The following MAP4 variants were observed in gnomAD, a reference collection of about 807,000 sequenced individuals.
The protein encoded by MAP4 is microtubule-associated protein 4.
MAP4 carries 76 observed loss-of-function variants against 170.2 expected under a neutral mutation model. The observed-to-expected ratio is 0.45, with a 90% CI of 0.37 to 0.54. The LOEUF (loss-of-function observed/expected upper bound fraction) is 0.54, where lower values mean the gene tolerates loss of function less well. MAP4 is among the 20% of genes least tolerant of loss of function. MAP4 has a pLI of 0.00. For missense variants in MAP4, 2,506 were observed against 2,748.0 expected, an observed-to-expected ratio of 0.91 and a Z score of 1.97; for synonymous variants, 909 against 994.5, an observed-to-expected ratio of 0.91 and a Z score of 1.62.
chr3:48,062,873 C>T (rs891471833), intron 1 of MAP4, among the ~76,000 whole-genome samples: 29 of 149,288 alleles, frequency 1.9e-4, no homozygotes, highest in Admixed American at 4.0e-4. Flanking sequence ...TGTTGTGAGC[C>T]AAGATCGTGC....
chr3:47,937,097 T>A (rs2100053423), intron 3 of MAP4, among the ~76,000 whole-genome samples: 1 of 151,860 alleles, frequency 6.6e-6, no homozygotes, highest in Non-Finnish European at 1.5e-5. Context: ...ACACTACTCA[T>A]CCAGAATTAA....
intron 6 of MAP4, 117 bp downstream of exon 6, chr3:47,918,602 G>T: frequency 1.4e-6 from 1 of 738,634 alleles, no homozygotes; most frequent in African/African-American, 1.7e-5. Flanking sequence ...CAAAACATTT[G>T]TGATTGTTCT....
Position 47,951,276 on chromosome 3 carries a change from CT to C in MAP4, c.293-22927del, listed in dbSNP as rs563572364. Among the ~76,000 whole-genome samples, 95 of 152,220 alleles carry C rather than the reference CT, an allele frequency of 6.2e-4. No homozygotes were observed. The Middle Eastern group carries it at 0.017, about 27-fold the overall frequency. ...TTTTTTTGTTGGTATGCTGAAGAAA[CT>C]TTTTAAAGTATCTCACTTTTTAAAA... On this transcript the variant is annotated intron_variant, in intron 3 of 20. Coordinates refer to ENST00000683076, the MANE Select transcript of MAP4 (RefSeq NM_001385682.1).
chr3:47,947,906 A>G (rs994197961), intron 3 of MAP4, among the ~76,000 whole-genome samples: 2 of 152,096 alleles, frequency 1.3e-5, no homozygotes, highest in African/African-American at 4.8e-5. Flanking sequence ...TGACAACAAT[A>G]CTTGATGCAG....
At chr3:48,039,431 C>G (rs574162743) in intron 1 of MAP4, 1 of 152,614 alleles carries the variant, frequency 6.6e-6, no homozygotes, top group African/African-American at 2.5e-5. Flanking sequence ...TCTGGCTGCT[C>G]TGCTGTCCTC....
chr3:48,000,393 T>A (rs1370198805), intron 1 of MAP4, among the ~76,000 whole-genome samples: 2 of 152,164 alleles, frequency 1.3e-5, no homozygotes, highest in African/African-American at 4.8e-5. Flanking sequence ...TAAGCTATGT[T>A]GTTGACAAGG....
intron 8 of MAP4, among the ~76,000 whole-genome samples, chr3:47,912,762 T>C (rs1310428310): frequency 6.6e-6 from 1 of 152,242 alleles, no homozygotes; most frequent in Non-Finnish European, 1.5e-5. Flanking sequence ...ACTTACTGCC[T>C]GTAAATCTCA....
intron 1 of MAP4, among the ~76,000 whole-genome samples, chr3:48,087,527 G>A (rs916648995): frequency 3.9e-5 from 6 of 151,990 alleles, no homozygotes; most frequent in Non-Finnish European, 5.9e-5. Context: ...CCAAGCTGAC[G>A]GCACCCTGCC....
intron 1 of MAP4, among the ~76,000 whole-genome samples, chr3:48,083,622 C>T (rs1428945155): frequency 6.6e-6 from 1 of 151,830 alleles, no homozygotes; most frequent in East Asian, 1.9e-4. Flanking sequence ...ACCTCAGCCT[C>T]CCAAAGTGCT....
Position 47,852,437 on chromosome 3 carries a change from C to G in MAP4, c.*497G>C. On this transcript the variant is annotated 3_prime_UTR_variant, in exon 21 of 21. Transcript: ENST00000683076. ...GAGGCAGTGGCTTAAGCTCCACGGT[C>G]AGCGTCCTGTCACCACTCGGAATCC... The G allele has an allele frequency of 4.0e-6, 1 of 248,088 alleles. No individual in the cohort carries two copies. Among genetic ancestry groups the G allele is most frequent in the Non-Finnish European group, 7.8e-6 (1 of 128,892 alleles). 15.4% of individuals were successfully genotyped at this position (248,088 alleles called of 1,614,324 possible). A position where few individuals can be genotyped will look rare whatever the true frequency, so the allele number is the denominator to read the frequency against.
At chr3:48,062,917 C>G (rs2100136587) in intron 1 of MAP4, among the ~76,000 whole-genome samples, 1 of 148,120 alleles carries the variant, frequency 6.8e-6, no homozygotes. Context: ...AAGAGTGAAA[C>G]TCTGTCTCAA....
intron 10 of MAP4, chr3:47,891,687 T>C (rs1314981344): frequency 2.0e-6 from 3 of 1,536,478 alleles, no homozygotes. Context: ...TGGTCTCTGA[T>C]GTGACAGCTT....
In MAP4 at chr3:47,867,420, C is replaced by A. The variant is rs1011976802; in HGVS notation, c.6409-82G>T. 1.3e-5 allele frequency: 11 copies of A among 864,972 alleles called. No individual in the cohort carries two copies. The East Asian group carries it at 2.0e-4, about 15-fold the overall frequency. The allele number at this position is 864,972 out of a possible 1,614,324, so 53.6% of individuals were successfully genotyped here. A position where few individuals can be genotyped will look rare whatever the true frequency, so the allele number is the denominator to read the frequency against. Reference sequence around the variant, plus strand: ...ACACAGGGAAGGCAGTGAGTCCACACGTGATCACAATGACCAACAAAAAGT... The same window carrying A: ...ACACAGGGAAGGCAGTGAGTCCACAAGTGATCACAATGACCAACAAAAAGT... On this transcript the variant is annotated intron_variant, in intron 16 of 20. Coordinates refer to ENST00000683076, the MANE Select transcript of MAP4 (RefSeq NM_001385682.1).
At chr3:48,003,349 G>A (rs1306644420) in intron 1 of MAP4, among the ~76,000 whole-genome samples, 1 of 151,474 alleles carries the variant, frequency 6.6e-6, no homozygotes, top group East Asian at 1.9e-4. Flanking sequence ...AGCTGCTCGG[G>A]AGGCTGAGGC....
At chr3:47,936,932 A>G (rs2100053276) in intron 3 of MAP4, among the ~76,000 whole-genome samples, 1 of 151,024 alleles carries the variant, frequency 6.6e-6, no homozygotes, top group Admixed American at 6.6e-5. Flanking sequence ...GTGAGCCAAG[A>G]TCGCGCCACT....
In MAP4 at chr3:47,909,981, A is replaced by G. The variant is rs778169219; in HGVS notation, c.4440T>C (p.Asp1480=). The change falls in exon 9 of 21, where the codon GAT becomes GAC. Residue 1480 remains aspartate (D), a synonymous_variant. Transcript: ENST00000683076. ...PAQISKSLMV[D]NYTKDGVPGQ... is the part of the protein sequence containing the mutation. The stretch of plus-strand genomic sequence containing the variant: ...CTGGGACTCCATCTTTGGTGTAGTT[A>G]TCTACCATTAATGATTTGGAAATCT... 8.8e-5 allele frequency: 142 copies of G among 1,613,878 alleles called. No homozygotes were observed. Among genetic ancestry groups the G allele is most frequent in the Non-Finnish European group, 1.2e-4 (137 of 1,179,892 alleles).
chr3:47,867,958 C>T (rs1436168553), intron 16 of MAP4, among the ~76,000 whole-genome samples: 1 of 152,222 alleles, frequency 6.6e-6, no homozygotes, highest in Non-Finnish European at 1.5e-5. Flanking sequence ...GCGGCTACAG[C>T]CTCCACACTT....
At chr3:47,872,715 C>T (rs1006895639) in intron 12 of MAP4, among the ~76,000 whole-genome samples, 5 of 152,112 alleles carry the variant, frequency 3.3e-5, no homozygotes, top group East Asian at 1.9e-4. Context: ...CCACAACCTA[C>T]GTTTGCCTCC....
chr3:47,896,967 G>C (rs1460867805), intron 10 of MAP4, among the ~76,000 whole-genome samples: 4 of 152,172 alleles, frequency 2.6e-5, no homozygotes, highest in African/African-American at 9.6e-5. Flanking sequence ...ATTTTATAGA[G>C]GAACAAAATG....
Sources: allele counts gnomAD v4.1 joint callset (sites outside exome capture counted in the v4.1 genomes callset), GRCh38; gene constraint gnomAD v4.1.1; transcripts MANE v1.5; gene names NCBI Gene and HGNC (gene_info 2026-07-23, HGNC 2026-07-21).